Variants in CHST11 observed in about 807,000 individuals in gnomAD.
The protein encoded by CHST11 is C4S-1.
A neutral mutation model predicts 30.4 loss-of-function variants in CHST11; 9 were observed. That is an observed-to-expected ratio of 0.30 (90% CI 0.18 to 0.52). The LOEUF is 0.52. CHST11 is among the 20% of genes least tolerant of loss of function. The probability of loss-of-function intolerance (pLI) is 0.97; values close to 1 mark genes in which losing one functional copy is unlikely to be tolerated. For synonymous variants in CHST11, 152 were observed against 187.8 expected, an observed-to-expected ratio of 0.81 and a Z score of 1.56; for missense variants, 348 against 460.6, an observed-to-expected ratio of 0.76 and a Z score of 2.24.
At chr12:104,536,754 A>G (rs981027446) in intron 1 of CHST11, among the ~76,000 whole-genome samples, 1 of 152,230 alleles carries the variant, frequency 6.6e-6, no homozygotes, top group African/African-American at 2.4e-5. Flanking sequence ...GATGGTGGTT[A>G]TTACTGTGAT....
intron 2 of CHST11, among the ~76,000 whole-genome samples, chr12:104,736,240 G>A (rs925827851): frequency 6.6e-6 from 1 of 152,170 alleles, no homozygotes; most frequent in Non-Finnish European, 1.5e-5. Flanking sequence ...AGAATCTGGG[G>A]AAAGAACATT....
Position 104,462,863 on chromosome 12 carries a change from C to A in CHST11, c.118+5334C>A, listed in dbSNP as rs1593947215. Reference sequence around the variant, plus strand: ...TTTAAATGTTTGCACCTCGATGGAGCATTTTCATTGCTGTGCTCAGATGAG... The same window carrying A: ...TTTAAATGTTTGCACCTCGATGGAGAATTTTCATTGCTGTGCTCAGATGAG... On this transcript the variant is annotated intron_variant, in intron 1 of 2. Coordinates refer to ENST00000303694, the MANE Select transcript of CHST11 (RefSeq NM_018413.6). Among the ~76,000 whole-genome samples the A allele has an allele frequency of 2.0e-5, 3 of 152,276 alleles. No homozygotes were observed. The East Asian group carries it at 5.8e-4, about 29-fold the overall frequency.
intron 1 of CHST11, among the ~76,000 whole-genome samples, chr12:104,518,525 C>A (rs927528890): frequency 4.6e-5 from 7 of 152,142 alleles, no homozygotes; most frequent in Non-Finnish European, 1.0e-4. Context: ...TTCTGGGAAG[C>A]ACTTTGAAGG....
chr12:104,681,595 A>G (rs2039795849), intron 2 of CHST11, among the ~76,000 whole-genome samples: 1 of 152,218 alleles, frequency 6.6e-6, no homozygotes, highest in Non-Finnish European at 1.5e-5. Flanking sequence ...TGCTTTTTAA[A>G]AAAGAGATAT....
chr12:104,662,127 T>C (rs951938894), intron 2 of CHST11, among the ~76,000 whole-genome samples: 19 of 152,146 alleles, frequency 1.2e-4, no homozygotes, highest in African/African-American at 4.6e-4. Flanking sequence ...ACCTGGCACA[T>C]AGTAGGATCT....
chr12:104,621,466 C>T (rs2039157482), intron 2 of CHST11, among the ~76,000 whole-genome samples: 2 of 152,306 alleles, frequency 1.3e-5, no homozygotes, highest in South Asian at 4.1e-4. Flanking sequence ...CCTTATTTGG[C>T]AAAAGGGACT....
intron 1 of CHST11, among the ~76,000 whole-genome samples, chr12:104,570,365 G>C (rs150326037): frequency 1.3e-5 from 2 of 151,938 alleles, no homozygotes; most frequent in South Asian, 4.2e-4. Context: ...AGATTTTACC[G>C]TCTGTAAACC....
intron 2 of CHST11, among the ~76,000 whole-genome samples, chr12:104,679,953 C>T (rs1385435218): frequency 6.6e-6 from 1 of 152,066 alleles, no homozygotes; most frequent in Non-Finnish European, 1.5e-5. Context: ...TTTTACTGCC[C>T]CAGGAATCAG....
chr12:104,626,737 G>T lies in CHST11; in HGVS notation c.204+24746G>T, dbSNP rs563319580. 4.6e-5 allele frequency among the ~76,000 whole-genome samples: 7 copies of T among 151,562 alleles called. No individual in the cohort carries two copies. In the South Asian group the frequency reaches 1.5e-3, roughly 32 times the overall value. ...GCAGTTTTAGGTTCATGGCAAAATCGAGCAGAAGGCACAGAAAATTCCCAG... is the reference window on the plus strand; with the variant it reads ...GCAGTTTTAGGTTCATGGCAAAATCTAGCAGAAGGCACAGAAAATTCCCAG... On this transcript the variant is annotated intron_variant, in intron 2 of 2. Transcript: ENST00000303694.
At chr12:104,744,923 G>T (rs922160408) in intron 2 of CHST11, among the ~76,000 whole-genome samples, 1 of 151,956 alleles carries the variant, frequency 6.6e-6, no homozygotes, top group Non-Finnish European at 1.5e-5. Flanking sequence ...GCCCAGGCTG[G>T]AGTGCAATGG....
chr12:104,575,189 T>C (rs1424083528), intron 1 of CHST11, among the ~76,000 whole-genome samples: 1 of 149,484 alleles, frequency 6.7e-6, no homozygotes, highest in Non-Finnish European at 1.5e-5. Flanking sequence ...TGAGATCCTG[T>C]CTCAAAAAAA....
intron 2 of CHST11, among the ~76,000 whole-genome samples, chr12:104,753,563 C>T (rs1336571325): frequency 6.6e-6 from 1 of 152,174 alleles, no homozygotes; most frequent in African/African-American, 2.4e-5. Context: ...TTGATGGGGA[C>T]CCATGACCAC....
At chr12:104,580,152 G>A (rs547738825) in intron 1 of CHST11, among the ~76,000 whole-genome samples, 9 of 152,318 alleles carry the variant, frequency 5.9e-5, no homozygotes, top group Non-Finnish European at 1.2e-4. Context: ...CATCATTTGT[G>A]ACTTTCCCCC....
At chr12:104,745,647 C>T (rs1264486788) in intron 2 of CHST11, among the ~76,000 whole-genome samples, 1 of 152,090 alleles carries the variant, frequency 6.6e-6, no homozygotes, top group Non-Finnish European at 1.5e-5. Flanking sequence ...TCATAGAGAT[C>T]TTTCACCTCC....
intron 1 of CHST11, among the ~76,000 whole-genome samples, chr12:104,524,041 T>TTC (rs1555229935): frequency 2.5e-4 from 2 of 7,980 alleles, no homozygotes; most frequent in Non-Finnish European, 4.2e-4. Context: ...CTTTCTTTCT[T>TTC]TTTTTTTTTT....
At chr12:104,493,636 C>G (rs985273900) in intron 1 of CHST11, among the ~76,000 whole-genome samples, 1 of 152,182 alleles carries the variant, frequency 6.6e-6, no homozygotes. Flanking sequence ...CCTTCCTTGC[C>G]GTCTCTACCC....
intron 1 of CHST11, among the ~76,000 whole-genome samples, chr12:104,590,281 G>A (rs2038845494): frequency 6.6e-6 from 1 of 152,132 alleles, no homozygotes; most frequent in Non-Finnish European, 1.5e-5. Flanking sequence ...CAAGCTTGAA[G>A]CTTCCCAGGC....
chr12:104,661,997 A>C (rs947518723), intron 2 of CHST11, among the ~76,000 whole-genome samples: 1 of 152,228 alleles, frequency 6.6e-6, no homozygotes, highest in Non-Finnish European at 1.5e-5. Context: ...TCTCAGTCTG[A>C]GATGAATCAG....
intron 1 of CHST11, among the ~76,000 whole-genome samples, chr12:104,558,528 C>T (rs923290693): frequency 6.8e-6 from 1 of 147,514 alleles, no homozygotes. Flanking sequence ...TCTCTCTGTT[C>T]AGCAGAAATT....
Sources: allele counts gnomAD v4.1 joint callset (sites outside exome capture counted in the v4.1 genomes callset), GRCh38; gene constraint gnomAD v4.1.1; transcripts MANE v1.5; gene names NCBI Gene and HGNC (gene_info 2026-07-23, HGNC 2026-07-21).